RBM25: variants seen among roughly 807,000 people sequenced by gnomAD.
RBM25 encodes the protein RNA binding motif protein 25, also known as RNA-binding protein 25.
RBM25 carries 19 observed loss-of-function variants against 120.7 expected under a neutral mutation model. The observed-to-expected ratio is 0.16, with a 90% CI of 0.11 to 0.23. The LOEUF is 0.23. RBM25 is among the 10% of genes least tolerant of loss of function. The pLI, the probability that RBM25 is intolerant of heterozygous loss-of-function variation, is 1.00. For synonymous variants in RBM25, 390 were observed against 326.7 expected (o/e 1.19, Z -2.09); for missense variants, 605 against 1,041.5 (o/e 0.58, Z 5.77).
chr14:73,099,996 G>A, intron 9 of RBM25: 2 of 503,946 alleles, frequency 4.0e-6, no homozygotes, highest in South Asian at 4.5e-5. Flanking sequence ...ATGAATAGAA[G>A]CTAATTTTAT....
At position 73,067,150 on chromosome 14, in the gene RBM25, A is replaced by G. The variant is rs187078071; in HGVS notation, c.-15-4477A>G. ...AATGGCACCGTCTCGGCTCACTGCA[A>G]CCTCCGCCTCCCAGGTTCAAGCGAT... On this transcript the variant is annotated intron_variant, in intron 1 of 18. Transcript: ENST00000261973. Among the ~76,000 whole-genome samples, 186 of 149,992 alleles carry G rather than the reference A, an allele frequency of 1.2e-3. 3 individuals carry two copies. The highest frequency in any genetic ancestry group is 9.1e-3 in the South Asian group (43 of 4,734).
At chr14:73,103,982 ACACACACACACACT>A (rs1367875860) in intron 10 of RBM25, among the ~76,000 whole-genome samples, 21 of 124,862 alleles carry the variant, frequency 1.7e-4, no homozygotes, top group East Asian at 5.3e-4. Flanking sequence ...ACACACACAC[ACACACACACACACT>A]CTCTCTCTCT....
Position 73,121,953 on chromosome 14 carries a change from C to T in RBM25, c.*2148C>T, listed in dbSNP as rs1487573525. The T allele has an allele frequency of 6.6e-6, 1 of 152,136 alleles. No individual in the cohort carries two copies. Among genetic ancestry groups the T allele is most frequent in the Non-Finnish European group, 1.5e-5 (1 of 68,030 alleles). 9.4% of individuals were successfully genotyped at this position (152,136 alleles called of 1,614,324 possible). On this transcript the variant is annotated 3_prime_UTR_variant, in exon 19 of 19. Transcript: ENST00000261973. ...TTCTGCAGCAGAGTGAAAATTGTTA[C>T]AGTAAATGTGGTAGAAACTGTTAAT...
intron 1 of RBM25, among the ~76,000 whole-genome samples, chr14:73,067,718 C>T (rs569921276): frequency 6.6e-6 from 1 of 151,760 alleles, no homozygotes; most frequent in Non-Finnish European, 1.5e-5. Flanking sequence ...ATTCTCCTGC[C>T]TCAGCCTCCC....
At chr14:73,101,444 C>T (rs1404098993) in intron 9 of RBM25, 1 of 146,098 alleles carries the variant, frequency 6.8e-6, no homozygotes, top group Non-Finnish European at 1.5e-5. Context: ...CCTCATTTCC[C>T]TTCTCCAGTC....
At chr14:73,072,264 C>T (rs1895312147) in intron 2 of RBM25, among the ~76,000 whole-genome samples, 2 of 151,830 alleles carry the variant, frequency 1.3e-5, no homozygotes, top group Admixed American at 6.6e-5. Flanking sequence ...AGCCACCATG[C>T]CCAGCCTAAA....
chr14:73,070,193 G>A (rs1395796632), intron 1 of RBM25, among the ~76,000 whole-genome samples: 2 of 151,308 alleles, frequency 1.3e-5, no homozygotes, highest in Admixed American at 6.6e-5. Flanking sequence ...GATTACAGGC[G>A]CACACCACCA....
chr14:73,081,572 C>G (rs1199213545), intron 4 of RBM25, among the ~76,000 whole-genome samples: 3 of 152,144 alleles, frequency 2.0e-5, no homozygotes, highest in African/African-American at 7.2e-5. Context: ...CTATATCTTG[C>G]TTGTGCCGAC....
Position 73,123,180 on chromosome 14 carries a change from T to C in RBM25, c.*3375T>C, listed in dbSNP as rs1594943418. ...TTTGTGAAGCGTGCTGTTTCAGGTATTAATCTGCCATGAATACTAGATATA... is the reference window on the plus strand; with the variant it reads ...TTTGTGAAGCGTGCTGTTTCAGGTACTAATCTGCCATGAATACTAGATATA... On this transcript the variant is annotated 3_prime_UTR_variant, in exon 19 of 19. Transcript: ENST00000261973. 2 of 151,982 alleles carry C rather than the reference T, an allele frequency of 1.3e-5. No individual in the cohort carries two copies. Among genetic ancestry groups the C allele is most frequent in the Admixed American group, 1.3e-4 (2 of 15,222 alleles). The allele number at this position is 151,982 out of a possible 1,614,324, so 9.4% of individuals were successfully genotyped here.
chr14:73,093,906 G>A (rs540257154), intron 6 of RBM25, among the ~76,000 whole-genome samples: 10 of 151,338 alleles, frequency 6.6e-5, no homozygotes, highest in Non-Finnish European at 1.5e-4. Context: ...CCAGTCTGTG[G>A]AGTGGTCTTT....
intron 18 of RBM25, 122 bp downstream of exon 18, chr14:73,114,455 T>C (rs1896380834): frequency 5.0e-6 from 3 of 600,036 alleles, no homozygotes; most frequent in South Asian, 5.5e-5. Flanking sequence ...TTCCTAGGCT[T>C]AAGTGATCCT....
At chr14:73,091,288 G>A (rs1006618367) in intron 6 of RBM25, among the ~76,000 whole-genome samples, 1 of 152,136 alleles carries the variant, frequency 6.6e-6, no homozygotes, top group African/African-American at 2.4e-5. Context: ...GTGGGGTGGT[G>A]TGATCTCTGC....
rs963916877 is a variant in RBM25, at chr14:73,110,404, C to A, written c.1693-427C>A. Among the ~76,000 whole-genome samples the A allele has an allele frequency of 2.0e-5, 3 of 151,650 alleles. No individual in the cohort carries two copies. The South Asian group carries it at 6.3e-4, about 32-fold the overall frequency. On this transcript the variant is annotated intron_variant, in intron 14 of 18. Coordinates refer to ENST00000261973, the MANE Select transcript of RBM25 (RefSeq NM_021239.3). ...TTTTCCTGTGTTACCCAGGATTGAG[C>A]CACTGCCCATGTCCTTTTTTTTTTC...
At chr14:73,105,756 G>T in intron 10 of RBM25, 103 bp from the exon 11 acceptor site, 1 of 1,509,314 alleles carries the variant, frequency 6.6e-7, no homozygotes, top group Non-Finnish European at 8.9e-7. Context: ...ATTCTGGCCT[G>T]TGAGATTTTA....
At chr14:73,072,747 C>G (rs1048723902) in intron 2 of RBM25, among the ~76,000 whole-genome samples, 3 of 152,122 alleles carry the variant, frequency 2.0e-5, no homozygotes, top group African/African-American at 7.2e-5. Context: ...CCCAGGAGTT[C>G]AAGTCCAAAG....
At chr14:73,108,885 AACCTCTGCTTTCTGTTGATTCT>A (rs1265420971) in intron 13 of RBM25, among the ~76,000 whole-genome samples, 11 of 152,306 alleles carry the variant, frequency 7.2e-5, no homozygotes, top group African/African-American at 2.6e-4. Context: ...GATAGGAGAG[AACCTCTGCTTTCTGTTGATTCT>A]ACACTACTTT....
chr14:73,059,122 C>T (rs1397638422), intron 1 of RBM25, among the ~76,000 whole-genome samples: 1 of 152,136 alleles, frequency 6.6e-6, no homozygotes, highest in Admixed American at 6.6e-5. Context: ...CTGGGACACT[C>T]TCGCCCCAGC....
intron 5 of RBM25, among the ~76,000 whole-genome samples, chr14:73,085,542 TC>T (rs1895665361): frequency 1.3e-5 from 2 of 150,862 alleles, no homozygotes. Context: ...CCTCCTGGGT[TC>T]AAGTGGTTCT....
chr14:73,060,218 T>C (rs951598707), intron 1 of RBM25, among the ~76,000 whole-genome samples: 1 of 151,252 alleles, frequency 6.6e-6, no homozygotes, highest in Non-Finnish European at 1.5e-5. Context: ...TTTGTAGTTT[T>C]AATAGAGGCG....
Sources: allele counts gnomAD v4.1 joint callset (sites outside exome capture counted in the v4.1 genomes callset), GRCh38; gene constraint gnomAD v4.1.1; transcripts MANE v1.5; gene names NCBI Gene and HGNC (gene_info 2026-07-23, HGNC 2026-07-21).